The following ANO4 variants were observed in gnomAD, a reference collection of about 807,000 sequenced individuals.
ANO4 encodes anoctamin-4.
A neutral mutation model predicts 141.9 loss-of-function variants in ANO4; 69 were observed. That is an observed-to-expected ratio of 0.49 (90% confidence interval 0.40 to 0.59). The LOEUF is 0.59. Ranked by LOEUF, ANO4 falls within the 20% of genes least tolerant of loss-of-function variation. The pLI is 0.00. For synonymous variants in ANO4, 350 were observed against 394.3 expected (o/e 0.89, Z 1.33); for missense variants, 894 against 1,162.2 (o/e 0.77, Z 3.36).
At chr12:100,866,109 G>A (rs10745900) in intron 1 of ANO4, among the ~76,000 whole-genome samples, 118,563 of 152,090 alleles carry the variant, frequency 0.78, 46,557 homozygotes, top group Admixed American at 0.85. Flanking sequence ...AGAGGAGAGA[G>A]GATACGGAGG....
intron 7 of ANO4, among the ~76,000 whole-genome samples, chr12:100,985,304 G>C (rs73375075): frequency 0.021 from 3,231 of 152,220 alleles, 122 homozygotes; most frequent in African/African-American, 0.074. Flanking sequence ...AATGTTAAGC[G>C]GCAAGCTGGT....
intron 2 of ANO4, 116 bp downstream of exon 2, chr12:100,901,956 G>C: frequency 2.9e-6 from 3 of 1,043,288 alleles, no homozygotes; most frequent in Non-Finnish European, 4.2e-6. Flanking sequence ...CTTTTGTTAG[G>C]AGTCTTGTTC....
At chr12:101,044,407 T>C (rs947008084) in intron 13 of ANO4, among the ~76,000 whole-genome samples, 22 of 152,368 alleles carry the variant, frequency 1.4e-4, no homozygotes, top group African/African-American at 4.6e-4. Context: ...CTTAGACATA[T>C]TCCTCACATT....
At chr12:101,106,331 T>C (rs1207006967) in intron 22 of ANO4, among the ~76,000 whole-genome samples, 1 of 151,956 alleles carries the variant, frequency 6.6e-6, no homozygotes, top group African/African-American at 2.4e-5. Flanking sequence ...TATTTGAAGA[T>C]GTAATGTCTG....
intron 2 of ANO4, among the ~76,000 whole-genome samples, chr12:100,905,556 G>T (rs770840639): frequency 6.6e-6 from 1 of 152,206 alleles, no homozygotes; most frequent in Non-Finnish European, 1.5e-5. Context: ...TGGTGATTTT[G>T]ATAAGAGCCG....
intron 3 of ANO4, among the ~76,000 whole-genome samples, chr12:100,757,599 G>T (rs1449359284): frequency 2.0e-5 from 3 of 152,184 alleles, no homozygotes; most frequent in African/African-American, 7.2e-5. Context: ...TGCATTCAAG[G>T]AGAGTGAATT....
At chr12:100,726,933 A>T (rs1038577934) in intron 1 of ANO4, among the ~76,000 whole-genome samples, 3 of 151,758 alleles carry the variant, frequency 2.0e-5, no homozygotes, top group Non-Finnish European at 4.4e-5. Flanking sequence ...AAAAGTGCAG[A>T]TAATAATATT....
At chr12:100,966,880 C>T (rs11110602) in intron 5 of ANO4, among the ~76,000 whole-genome samples, 9 of 128,888 alleles carry the variant, frequency 7.0e-5, no homozygotes, top group East Asian at 2.3e-4. Flanking sequence ...TATACACACA[C>T]ACATACACAC....
At chr12:100,880,771 T>A (rs1205363509) in intron 1 of ANO4, among the ~76,000 whole-genome samples, 1 of 152,174 alleles carries the variant, frequency 6.6e-6, no homozygotes, top group Non-Finnish European at 1.5e-5. Context: ...GTAAAAGATG[T>A]CTATATGGCG....
chr12:101,068,258 G>A (rs1022366084), intron 14 of ANO4: 31 of 1,437,872 alleles, frequency 2.2e-5, no homozygotes, highest in Admixed American at 1.8e-4. Flanking sequence ...TCTGGGACAA[G>A]AGACTCATGA....
Position 100,746,040 on chromosome 12 carries a change from G to T in ANO4, c.358+5935G>T, listed in dbSNP as rs977602819. Among the ~76,000 whole-genome samples the T allele has an allele frequency of 2.0e-5, 3 of 152,302 alleles. No homozygotes were observed. In the East Asian group the frequency reaches 5.8e-4, roughly 29 times the overall value. On this transcript the variant is annotated intron_variant, in intron 3 of 29. Coordinates refer to the ANO4 transcript ENST00000644049. Reference sequence around the variant, plus strand: ...AAACGAAGGTCAATTCAGAATTCCAGATACAGCTAAGTGATCACTGGAGAG... The same window carrying T: ...AAACGAAGGTCAATTCAGAATTCCATATACAGCTAAGTGATCACTGGAGAG...
At chr12:100,899,186 A>T (rs1295490835) in intron 1 of ANO4, among the ~76,000 whole-genome samples, 9 of 152,150 alleles carry the variant, frequency 5.9e-5, no homozygotes, top group Non-Finnish European at 8.8e-5. Flanking sequence ...TGACAGTCCT[A>T]ACCTGGGTGA....
At chr12:100,927,378 A>G (rs1285163707) in intron 3 of ANO4, among the ~76,000 whole-genome samples, 1 of 152,160 alleles carries the variant, frequency 6.6e-6, no homozygotes, top group African/African-American at 2.4e-5. Flanking sequence ...CCCTCCATCC[A>G]TAGTTTAAGG....
rs373764426 is a variant in ANO4, at chr12:100,861,923, G to A, written c.-140-39723G>A. The stretch of plus-strand genomic sequence containing the variant: ...GGCCTACACAGGGTGAGGAACATTA[G>A]TATCACTGTCTTCCATCTCCACATC... On this transcript the variant is annotated intron_variant, in intron 1 of 27. Transcript: ENST00000392977. 3.3e-5 allele frequency among the ~76,000 whole-genome samples: 5 copies of A among 152,204 alleles called. No homozygotes were observed. In the East Asian group the frequency reaches 7.7e-4, roughly 23 times the overall value.
chr12:100,732,994 C>G (rs1347771898), intron 1 of ANO4, among the ~76,000 whole-genome samples: 2 of 152,188 alleles, frequency 1.3e-5, no homozygotes. Context: ...ATCTGCCCCT[C>G]TCTGTCTCCA....
intron 2 of ANO4, among the ~76,000 whole-genome samples, chr12:100,918,221 G>A (rs2041441485): frequency 6.6e-6 from 1 of 152,196 alleles, no homozygotes; most frequent in African/African-American, 2.4e-5. Context: ...TTGGCTACTT[G>A]AGAGGTGAGG....
intron 8 of ANO4, among the ~76,000 whole-genome samples, chr12:101,007,333 G>A (rs2045914798): frequency 6.6e-6 from 1 of 152,184 alleles, no homozygotes; most frequent in African/African-American, 2.4e-5. Context: ...CTGGGGGAGA[G>A]AGTAAGACTC....
Position 101,097,865 on chromosome 12 carries a change from C to A in ANO4, c.1926C>A (p.Cys642Ter). 6.2e-7 allele frequency: 1 copy of A among 1,613,778 alleles called. No homozygotes were observed. The highest frequency in any genetic ancestry group is 8.5e-7 in the Non-Finnish European group (1 of 1,179,786). Reference sequence around the variant, plus strand: ...CCTTGCAGTGCCACCCTAGTGGATGCCTTATTGATCTGTGTATGCAAATGG... The same window carrying A: ...CCTTGCAGTGCCACCCTAGTGGATGACTTATTGATCTGTGTATGCAAATGG... Reference protein sequence around the residue: ...WRLEECHPSGCLIDLCMQMGI... With the variant: ...WRLEECHPSG The change falls in exon 21 of 28, where the codon TGC becomes TGA. Residue 642 changes from cysteine to a stop codon, truncating the protein, a stop_gained. Transcript: ENST00000392977. LOFTEE classifies it high-confidence loss of function.
chr12:101,010,522 C>T (rs1163809509), intron 8 of ANO4, among the ~76,000 whole-genome samples: 2 of 152,150 alleles, frequency 1.3e-5, no homozygotes, highest in Non-Finnish European at 2.9e-5. Flanking sequence ...AAAATGTCTA[C>T]TCAAGATTAG....
Sources: allele counts gnomAD v4.1 joint callset (sites outside exome capture counted in the v4.1 genomes callset), GRCh38; gene constraint gnomAD v4.1.1; transcripts MANE v1.5; gene names NCBI Gene and HGNC (gene_info 2026-07-23, HGNC 2026-07-21).